Variants in WDR89 observed in about 807,000 individuals in gnomAD.
WDR89 encodes WD repeat-containing protein 89.
WDR89 carries 17 observed loss-of-function variants against 29.1 expected under a neutral mutation model. That is an observed-to-expected ratio of 0.58 (90% CI 0.40 to 0.88). WDR89 has a LOEUF of 0.88. WDR89 is among the 40% of genes least tolerant of loss of function. WDR89 has a pLI of 0.00. For synonymous variants in WDR89, 138 were observed against 157.8 expected (o/e 0.87, Z 0.94); for missense variants, 396 against 456.3 (o/e 0.87, Z 1.20).
chr14:63,619,525 C>T (rs540611651), intron 2 of WDR89, among the ~76,000 whole-genome samples: 15 of 152,250 alleles, frequency 9.9e-5, no homozygotes, highest in African/African-American at 3.6e-4. Flanking sequence ...TATACACCTA[C>T]TAATAGTGTA....
rs147475625 is a variant in WDR89, at chr14:63,640,487, C to CTT, written c.-138+1315_-138+1316dup. 4.3e-3 allele frequency among the ~76,000 whole-genome samples: 648 copies of CTT among 149,936 alleles called. 7 individuals are homozygous for CTT. Among genetic ancestry groups the CTT allele is most frequent in the African/African-American group, 0.014 (593 of 40,910 alleles). On this transcript the variant is annotated intron_variant, in intron 1 of 2. Transcript: ENST00000620954. ...TTCACTTCTAGGTGTGTTTTATTGA[C>CTT]TTTTTTTTTTCTCTTTTTTGAGACG...
intron 1 of WDR89, among the ~76,000 whole-genome samples, chr14:63,625,838 C>A (rs937961321): frequency 6.7e-6 from 1 of 150,106 alleles, no homozygotes; most frequent in Non-Finnish European, 1.5e-5. Flanking sequence ...GCAAAACATA[C>A]AATTTTGGAG....
In WDR89 at chr14:63,599,981, A is replaced by AAAT. The variant is rs1232600177; in HGVS notation, c.-31-11_-31-9dup. 2 of 1,333,600 alleles carry AAAT rather than the reference A, an allele frequency of 1.5e-6. No homozygotes were observed. Among genetic ancestry groups the AAAT allele is most frequent in the Non-Finnish European group, 2.0e-6 (2 of 1,021,954 alleles). 82.6% of individuals were successfully genotyped at this position (1,333,600 alleles called of 1,614,324 possible). On this transcript the variant is annotated splice_polypyrimidine_tract_variant and intron_variant, in intron 2 of 2. Coordinates refer to ENST00000620954, the MANE Select transcript of WDR89 (RefSeq NM_080666.4). ...TCCAAGGGTAGTAAAACTCTGTAAA[A>AAAT]AATAATAATAATAAAAATAAAAATT...
intron 2 of WDR89, among the ~76,000 whole-genome samples, chr14:63,620,004 C>CAAA (rs71120271): frequency 0.058 from 4,209 of 72,236 alleles, 127 homozygotes; most frequent in African/African-American, 0.1. Context: ...GACTCCATCT[C>CAAA]AAAAAAAAAA....
At chr14:63,626,261 A>G (rs918415384) in intron 1 of WDR89, among the ~76,000 whole-genome samples, 1 of 152,200 alleles carries the variant, frequency 6.6e-6, no homozygotes, top group Non-Finnish European at 1.5e-5. Context: ...TTCATAACAC[A>G]CTATCAAAGG....
intron 2 of WDR89, among the ~76,000 whole-genome samples, chr14:63,600,272 C>T (rs1318022537): frequency 6.6e-6 from 1 of 152,102 alleles, no homozygotes; most frequent in Non-Finnish European, 1.5e-5. Context: ...GGTAGGAGGA[C>T]TGCTTGAGGC....
chr14:63,613,821 CTTTTTTT>C (rs751893850), intron 2 of WDR89, among the ~76,000 whole-genome samples: 1 of 121,040 alleles, frequency 8.3e-6, no homozygotes, highest in African/African-American at 3.0e-5. Context: ...TTTTAAACAT[CTTTTTTT>C]TTTTTTTTTT....
chr14:63,607,317 C>T (rs1566791254), intron 2 of WDR89, among the ~76,000 whole-genome samples: 1 of 152,082 alleles, frequency 6.6e-6, no homozygotes, highest in Non-Finnish European at 1.5e-5. Flanking sequence ...TGCCCACCAC[C>T]ATGCCCGGCT....
At chr14:63,607,910 G>A (rs1881689469) in intron 2 of WDR89, among the ~76,000 whole-genome samples, 1 of 147,320 alleles carries the variant, frequency 6.8e-6, no homozygotes, top group East Asian at 2.1e-4. Flanking sequence ...AAAGAAAAAG[G>A]AAAGAAACCC....
At position 63,599,413 on chromosome 14, in the gene WDR89, C is replaced by T. The variant is rs758395247; in HGVS notation, c.530G>A (p.Arg177His). ...ETHSDDVTQV[R>H]FHPSNPNMVV... The stretch of plus-strand genomic sequence containing the variant: ...CATGTTGGGATTGCTGGGATGGAAA[C>T]GTACTTGAGTGACATCATCACTATG... The change falls in exon 3 of 3, where the codon CGT becomes CAT. Residue 177 changes from arginine (R) to histidine (H), a missense_variant. By Grantham distance (29) the Arg-to-His change is conservative. Coordinates refer to ENST00000620954, the MANE Select transcript of WDR89 (RefSeq NM_080666.4). The T allele has an allele frequency of 5.0e-6, 8 of 1,614,032 alleles. No individual in the cohort carries two copies. Among genetic ancestry groups the T allele is most frequent in the African/African-American group, 2.7e-5 (2 of 74,924 alleles).
intron 2 of WDR89, among the ~76,000 whole-genome samples, chr14:63,602,462 CAAA>C (rs58161137): frequency 0.084 from 2,961 of 35,078 alleles, 19 homozygotes; most frequent in South Asian, 0.12. Flanking sequence ...GATTCCTACT[CAAA>C]AAAAAAAAAA....
intron 2 of WDR89, among the ~76,000 whole-genome samples, chr14:63,623,117 G>A (rs1882802851): frequency 6.6e-6 from 1 of 150,516 alleles, no homozygotes; most frequent in African/African-American, 2.4e-5. Context: ...AGGATAACTT[G>A]AGCGTGGGAG....
At chr14:63,638,867 A>T (rs1883914453) in intron 1 of WDR89, among the ~76,000 whole-genome samples, 1 of 152,192 alleles carries the variant, frequency 6.6e-6, no homozygotes. Context: ...TCAAAGATAC[A>T]AAGGTCTTAA....
chr14:63,609,602 C>T (rs1316183075), intron 2 of WDR89, among the ~76,000 whole-genome samples: 2 of 152,196 alleles, frequency 1.3e-5, no homozygotes, highest in East Asian at 3.9e-4. Flanking sequence ...CCAGCCTGGC[C>T]AACATGGTGA....
intron 2 of WDR89, among the ~76,000 whole-genome samples, chr14:63,609,714 T>C (rs1488764903): frequency 6.6e-6 from 1 of 151,578 alleles, no homozygotes; most frequent in Non-Finnish European, 1.5e-5. Flanking sequence ...TGCTTATACC[T>C]GGAAGGTGGA....
chr14:63,601,118 G>T (rs1895045361), intron 2 of WDR89, among the ~76,000 whole-genome samples: 1 of 152,082 alleles, frequency 6.6e-6, no homozygotes, highest in Non-Finnish European at 1.5e-5. Flanking sequence ...CAGCCCTGTT[G>T]ACATCTTAAT....
intron 2 of WDR89, among the ~76,000 whole-genome samples, chr14:63,605,475 T>C (rs1895279788): frequency 6.6e-6 from 1 of 152,064 alleles, no homozygotes; most frequent in Non-Finnish European, 1.5e-5. Context: ...TTTTTTTTTT[T>C]TTGAGACGGA....
In WDR89 at chr14:63,599,101, A is replaced by G; in HGVS notation, c.842T>C (p.Leu281Pro). 6.2e-7 allele frequency: 1 copy of G among 1,614,132 alleles called. No homozygotes were observed. Among genetic ancestry groups the G allele is most frequent in the Non-Finnish European group, 8.5e-7 (1 of 1,180,034 alleles). ...EDALDYLIGG[L>P]YHEKTDTLHV... is the part of the protein sequence containing the mutation. ...CAATGTGTCTGTCTTTTCATGATAT[A>G]GGCCACCAATCAAATAGTCCAAAGC... is the stretch of plus-strand genomic sequence containing the variant. Residue 281 changes from leucine (L) to proline (P), a missense_variant, in exon 3 of 3, where the codon CTA (leucine) becomes CCA (proline). Physicochemically the swap from Leu to Pro is moderately conservative, Grantham distance 98. Coordinates refer to ENST00000620954, the MANE Select transcript of WDR89 (RefSeq NM_080666.4).
At chr14:63,628,508 G>C (rs1190658897) in intron 1 of WDR89, among the ~76,000 whole-genome samples, 1 of 152,192 alleles carries the variant, frequency 6.6e-6, no homozygotes, top group South Asian at 2.1e-4. Context: ...TAATAGATGA[G>C]ATGGGGTCAA....
Sources: gnomAD v4.1 joint callset for allele counts (sites outside exome capture counted in the v4.1 genomes callset) on GRCh38, gnomAD v4.1.1 for gene constraint, MANE v1.5 for transcripts, NCBI Gene and HGNC (gene_info 2026-07-23, HGNC 2026-07-21) for gene names.